SYNE1: variants seen among roughly 807,000 people sequenced by gnomAD.
SYNE1 encodes the protein spectrin repeat containing nuclear envelope protein 1.
SYNE1 carries 616 observed loss-of-function variants against 1,111.0 expected under a neutral mutation model. The observed-to-expected ratio is 0.55, with a 90% CI of 0.52 to 0.59. SYNE1 has a LOEUF of 0.59. Ranked by LOEUF, SYNE1 falls within the 20% of genes least tolerant of loss-of-function variation. The pLI is 0.00. For missense variants in SYNE1, 10,006 were observed against 10,417.0 expected (o/e 0.96, Z 1.72); for synonymous variants, 3,855 against 3,825.8 (o/e 1.01, Z -0.28).
At chr6:152,458,376 A>G (rs2098710771) in intron 22 of SYNE1, among the ~76,000 whole-genome samples, 1 of 152,210 alleles carries the variant, frequency 6.6e-6, no homozygotes, top group Non-Finnish European at 1.5e-5. Flanking sequence ...GCGTGCACAC[A>G]GCAGATGTTT....
At chr6:152,495,082 T>A (rs1312790935) in intron 11 of SYNE1, among the ~76,000 whole-genome samples, 2 of 152,174 alleles carry the variant, frequency 1.3e-5, no homozygotes, top group Admixed American at 1.3e-4. Flanking sequence ...TACAAGCCAC[T>A]AGCCCTCCTC....
intron 38 of SYNE1, among the ~76,000 whole-genome samples, chr6:152,426,305 A>C (rs550255284): frequency 1.3e-5 from 2 of 152,378 alleles, no homozygotes; most frequent in South Asian, 4.1e-4. Flanking sequence ...TGATACAAGC[A>C]AGATTGCTAA....
At chr6:152,596,489 C>T (rs902995665) in intron 3 of SYNE1, among the ~76,000 whole-genome samples, 2 of 152,052 alleles carry the variant, frequency 1.3e-5, no homozygotes, top group Non-Finnish European at 2.9e-5. Context: ...CTCTTGACCT[C>T]GAGTGATCCG....
chr6:152,318,418 G>T (rs1346634997), intron 85 of SYNE1, 155 bp from the exon 86 acceptor site: 2 of 814,142 alleles, frequency 2.5e-6, no homozygotes, highest in Non-Finnish European at 4.0e-6. Context: ...TTCTTCGGTT[G>T]GAAAGGCAGG....
chr6:152,319,102 AC>A, intron 84 of SYNE1, 87 bp from the exon 85 acceptor site: 1 of 1,552,558 alleles, frequency 6.4e-7, no homozygotes, highest in African/African-American at 1.4e-5. Flanking sequence ...TTGACAAGAC[AC>A]ATTTTAACTG....
At chr6:152,128,974 A>C (rs758200987) in intron 145 of SYNE1, 1 of 152,260 alleles carries the variant, frequency 6.6e-6, no homozygotes, top group East Asian at 1.9e-4. Context: ...AAGATTATTT[A>C]TGTTCCAGTC....
chr6:152,122,549 G>A lies in SYNE1; in HGVS notation c.26281C>T (p.Leu8761Phe), dbSNP rs765163147. ...LQLLLLLLIG[L>F]ACLVPMSEED... The stretch of plus-strand genomic sequence containing the variant: ...TCTGACATTGGTACAAGGCAGGCAA[G>A]CCCGATGAGGAGGAGCAGGAGAAGC... Residue 8761 changes from leucine to phenylalanine, a missense_variant, in exon 146 of 146, where the codon CTT (leucine) becomes TTT (phenylalanine). By Grantham distance (22) the Leu-to-Phe change is conservative. This residue lies in a region of SYNE1 where 761 missense variants were observed against 795.5 expected (regional missense o/e 0.96). Transcript: ENST00000367255. 3 of 1,614,226 alleles carry A rather than the reference G, an allele frequency of 1.9e-6. No individual in the cohort carries two copies. Among genetic ancestry groups the A allele is most frequent in the Admixed American group, 1.7e-5 (1 of 60,026 alleles).
chr6:152,353,497 A>G, intron 68 of SYNE1, 64 bp from the exon 69 acceptor site: 1 of 1,613,618 alleles, frequency 6.2e-7, no homozygotes, highest in African/African-American at 1.3e-5. Flanking sequence ...TTTGTTGATG[A>G]ATATGTATCT....
chr6:152,399,811 C>G lies in SYNE1; in HGVS notation c.7042G>C (p.Glu2348Gln). The G allele has an allele frequency of 6.2e-7, 1 of 1,614,014 alleles. No individual in the cohort carries two copies. The highest frequency in any genetic ancestry group is 8.5e-7 in the Non-Finnish European group (1 of 1,179,950). The part of the protein sequence containing the change: ...ALKKVKDIQK[E>Q]LQSQQSNISS... Reference sequence around the variant, plus strand: ...ATGTTGCTTTGTTGACTTTGAAGTTCTTTTTGTATATCCTACAGAATAAAA... The same window carrying G: ...ATGTTGCTTTGTTGACTTTGAAGTTGTTTTTGTATATCCTACAGAATAAAA... Residue 2348 changes from glutamate (E) to glutamine (Q), a missense_variant, in exon 48 of 146, where the codon GAA (glutamate) becomes CAA (glutamine). Glu to Gln is a conservative substitution (Grantham distance 29). Transcript: ENST00000367255.
In SYNE1 at chr6:152,234,695, C is replaced by T. The variant is rs2083589585; in HGVS notation, c.20502G>A (p.Met6834Ile). 1 of 1,614,180 alleles carries T rather than the reference C, an allele frequency of 6.2e-7. No homozygotes were observed. The highest frequency in any genetic ancestry group is 2.2e-5 in the East Asian group (1 of 44,884). ...QSVTVPQELE[M>I]VRDHLNAFLE... The stretch of plus-strand genomic sequence containing the variant: ...GGAAAGCATTTAGATGATCACGGAC[C>T]ATTTCCAGCTCTTGTGGGACTGTCA... Residue 6834 changes from methionine (M) to isoleucine (I), a missense_variant, in exon 111 of 146, where the codon ATG becomes ATA. Physicochemically the swap from Met to Ile is conservative, Grantham distance 10. This residue lies in a region of SYNE1 where 2,182 missense variants were observed against 2,287.8 expected (regional missense o/e 0.95). Transcript: ENST00000367255.
intron 32 of SYNE1, among the ~76,000 whole-genome samples, chr6:152,436,684 T>A (rs2098476985): frequency 6.6e-6 from 1 of 152,206 alleles, no homozygotes; most frequent in Admixed American, 6.6e-5. Flanking sequence ...CTCCTTTGTT[T>A]CCTGGTTTTG....
In SYNE1 at chr6:152,325,246, T is replaced by G. The variant is rs756855768; in HGVS notation, c.15495A>C (p.Lys5165Asn). 6.2e-7 allele frequency: 1 copy of G among 1,614,094 alleles called. No homozygotes were observed. The highest frequency in any genetic ancestry group is 1.1e-5 in the South Asian group (1 of 91,068). ...FHEKIVALEE[K>N]ASQLEKTGND... ...TTCCGGTTTTCTCCAGTTGTGAAGC[T>G]TTTTCCTCAAGGGCCACAATTTTCT... Residue 5165 changes from lysine to asparagine, a missense_variant, in exon 81 of 146, where the codon AAA becomes AAC. By Grantham distance (94) the Lys-to-Asn change is moderately conservative. Coordinates refer to ENST00000367255, the MANE Select transcript of SYNE1 (RefSeq NM_182961.4).
chr6:152,286,995 G>A (rs1469283156), intron 95 of SYNE1, among the ~76,000 whole-genome samples: 1 of 152,210 alleles, frequency 6.6e-6, no homozygotes, highest in Non-Finnish European at 1.5e-5. Flanking sequence ...TCTGCACAAT[G>A]TTTGTTACTG....
At chr6:152,140,365 A>C (rs1262595051) in intron 139 of SYNE1, among the ~76,000 whole-genome samples, 1 of 152,222 alleles carries the variant, frequency 6.6e-6, no homozygotes, top group Admixed American at 6.5e-5. Flanking sequence ...TCTAATAATA[A>C]TGAAGCAAAA....
At chr6:152,230,752 A>G in intron 114 of SYNE1, 50 bp from the exon 115 acceptor site, 1 of 1,579,522 alleles carries the variant, frequency 6.3e-7, no homozygotes, top group Non-Finnish European at 8.7e-7. Context: ...TAATAAAATC[A>G]AATCATTAGC....
intron 63 of SYNE1, chr6:152,363,640 C>T: frequency 7.6e-6 from 3 of 393,564 alleles, no homozygotes; most frequent in Non-Finnish European, 1.5e-5. Flanking sequence ...CATCCATCCA[C>T]ACCCCCGGAT....
chr6:152,575,706 T>A (rs921287913), intron 3 of SYNE1, among the ~76,000 whole-genome samples: 1 of 152,222 alleles, frequency 6.6e-6, no homozygotes, highest in Non-Finnish European at 1.5e-5. Context: ...AACAAGTTTC[T>A]CAGCCTATCA....
intron 4 of SYNE1, among the ~76,000 whole-genome samples, chr6:152,536,330 AAT>A (rs1350967357): frequency 2.1e-5 from 3 of 141,184 alleles, no homozygotes; most frequent in Non-Finnish European, 3.0e-5. Flanking sequence ...TATATATAGT[AAT>A]ATATATATAT....
intron 28 of SYNE1, 132 bp downstream of exon 28, chr6:152,449,401 C>A (rs1378375380): frequency 1.4e-6 from 1 of 736,294 alleles, no homozygotes; most frequent in African/African-American, 1.8e-5. Flanking sequence ...TATAAGGGGA[C>A]TTATTTTAAA....
Sources: gnomAD v4.1 joint callset for allele counts (sites outside exome capture counted in the v4.1 genomes callset) on GRCh38, gnomAD v4.1.1 for gene constraint, gnomAD v4.1.1 regional missense constraint, MANE v1.5 for transcripts, NCBI Gene and HGNC (gene_info 2026-07-23, HGNC 2026-07-21) for gene names.